Variants in QKI observed in about 807,000 individuals in gnomAD.
QKI encodes QKI, KH domain containing RNA binding, also known as KH domain-containing RNA-binding protein QKI.
Under a neutral mutation model 39.0 loss-of-function variants are expected in QKI, and 10 were observed. The observed-to-expected ratio is 0.26, with a 90% CI of 0.16 to 0.43. The LOEUF (loss-of-function observed/expected upper bound fraction) is 0.43. QKI is among the 20% of genes least tolerant of loss of function. QKI has a pLI of 1.00. For synonymous variants in QKI, 204 were observed against 155.4 expected, an observed-to-expected ratio of 1.31 and a Z score of -2.33; for missense variants, 218 against 428.0, an observed-to-expected ratio of 0.51 and a Z score of 4.33.
intron 7 of QKI, 44 bp from the exon 8 acceptor site, chr6:163,570,650 T>C: frequency 6.2e-7 from 1 of 1,606,012 alleles, no homozygotes; most frequent in Non-Finnish European, 8.5e-7. Flanking sequence ...CTATCTTTTC[T>C]TTTCTTTTTT....
Position 163,577,440 on chromosome 6 carries a change from A to G in QKI, c.*6730A>G, listed in dbSNP as rs921182445. The G allele has an allele frequency of 4.6e-5, 7 of 150,982 alleles. No individual in the cohort carries two copies. Among genetic ancestry groups the G allele is most frequent in the African/African-American group, 1.2e-4 (5 of 41,176 alleles). 9.4% of individuals were successfully genotyped at this position (150,982 alleles called of 1,614,324 possible). ...ATTGCCCATATTAGATTTTTTTTTT[A>G]ATTCTTCACAAAATCTGCTCTTCCT... On this transcript the variant is annotated 3_prime_UTR_variant, in exon 8 of 8. Transcript: ENST00000361752.
chr6:163,549,818 A>G (rs939866910), intron 4 of QKI, among the ~76,000 whole-genome samples: 39 of 152,356 alleles, frequency 2.6e-4, no homozygotes, highest in African/African-American at 9.1e-4. Flanking sequence ...TCACTTTGTT[A>G]TTCTCTACCT....
rs118148146 is a variant in QKI, at chr6:163,464,849, A to T, written c.285+9428A>T. Among the ~76,000 whole-genome samples the T allele has an allele frequency of 5.8e-3, 878 of 152,304 alleles. 4 individuals are homozygous for T. Among genetic ancestry groups the T allele is most frequent in the Non-Finnish European group, 9.3e-3 (633 of 68,022 alleles). On this transcript the variant is annotated intron_variant, in intron 2 of 7. Coordinates refer to ENST00000361752, the MANE Select transcript of QKI (RefSeq NM_006775.3). ...AGATTCATTTTATGAGGCCAGCATT[A>T]CCCTTAACCAAAGCCAGATAAGGAC... is the stretch of plus-strand genomic sequence containing the variant.
rs1198998981 is a variant in QKI at position 163,577,896 on chromosome 6, TTAA to T, written c.*7188_*7190del. On this transcript the variant is annotated 3_prime_UTR_variant, in exon 8 of 8. Transcript: ENST00000361752. ...TTGGATTTCCTTCCTAACGTAATTT[TTAA>T]TGATTACCCCTTTTATACAGTAATT... 1.6e-4 allele frequency: 24 copies of T among 152,332 alleles called. No individual in the cohort carries two copies. The highest frequency in any genetic ancestry group is 5.5e-4 in the African/African-American group (23 of 41,588). The allele number at this position is 152,332 out of a possible 1,614,324, so 9.4% of individuals were successfully genotyped here.
rs371736423 is a variant in QKI, at chr6:163,491,866, A to G, written c.402+12970A>G. On this transcript the variant is annotated intron_variant, in intron 3 of 7. Transcript: ENST00000361752. The stretch of plus-strand genomic sequence containing the variant: ...ACTTTAACCTGTAAAACTTCATCTC[A>G]TTACTCAGCCATAGATATAACTCCA... Among the ~76,000 whole-genome samples the G allele has an allele frequency of 5.9e-5, 9 of 152,320 alleles. No individual in the cohort carries two copies. The East Asian group carries it at 9.6e-4, about 16-fold the overall frequency.
intron 2 of QKI, among the ~76,000 whole-genome samples, chr6:163,460,579 T>C (rs1451234229): frequency 6.6e-6 from 1 of 152,202 alleles, no homozygotes; most frequent in East Asian, 1.9e-4. Flanking sequence ...TTGTTGTTTG[T>C]CAGCAGTCTT....
intron 3 of QKI, among the ~76,000 whole-genome samples, chr6:163,526,132 A>G (rs1780501144): frequency 6.6e-6 from 1 of 152,210 alleles, no homozygotes; most frequent in Non-Finnish European, 1.5e-5. Flanking sequence ...ATGTCAAAAG[A>G]AAAAATAGTA....
At chr6:163,475,773 T>C (rs1487358617) in intron 2 of QKI, among the ~76,000 whole-genome samples, 1 of 152,188 alleles carries the variant, frequency 6.6e-6, no homozygotes, top group African/African-American at 2.4e-5. Flanking sequence ...ACAATAAAGC[T>C]TCTAGAAGAT....
chr6:163,553,191 C>T (rs1233443124), intron 4 of QKI, among the ~76,000 whole-genome samples: 1 of 151,674 alleles, frequency 6.6e-6, no homozygotes, highest in Non-Finnish European at 1.5e-5. Context: ...GCAACCTGCA[C>T]CTCCTGGGTT....
chr6:163,543,622 A>G (rs1183921020), intron 4 of QKI, among the ~76,000 whole-genome samples: 2 of 152,084 alleles, frequency 1.3e-5, no homozygotes, highest in African/African-American at 2.4e-5. Flanking sequence ...GCGGGTTTGA[A>G]TAAACTCATA....
chr6:163,448,265 G>T (rs185434512), intron 1 of QKI, among the ~76,000 whole-genome samples: 1 of 151,590 alleles, frequency 6.6e-6, no homozygotes, highest in Admixed American at 6.6e-5. Flanking sequence ...TTGGACTTAG[G>T]ATTGTGAAGT....
rs144205107 is a variant in QKI at position 163,432,554 on chromosome 6, G to A, written c.142+17219G>A. 7.9e-3 allele frequency among the ~76,000 whole-genome samples: 1,201 copies of A among 151,868 alleles called. 29 individuals carry two copies. The highest frequency in any genetic ancestry group is 0.028 in the African/African-American group (1,140 of 41,418). On this transcript the variant is annotated intron_variant, in intron 1 of 7. Coordinates refer to ENST00000361752, the MANE Select transcript of QKI (RefSeq NM_006775.3). Reference sequence around the variant, plus strand: ...ACTGCAGGGGTGAGCCACCATGCCTGGATAATTAAAAAAAATTTTTTTTTT... The same window carrying A: ...ACTGCAGGGGTGAGCCACCATGCCTAGATAATTAAAAAAAATTTTTTTTTT...
Position 163,439,355 on chromosome 6 carries a change from CG to C in QKI, c.143-15917del, listed in dbSNP as rs545402591. On this transcript the variant is annotated intron_variant, in intron 1 of 7. Transcript: ENST00000361752. ...GTTTTTTTTTGTTTTTTTTTTTTTT[CG>C]GGGGGGTGGGGGACGGAGTCTCACT... is the stretch of plus-strand genomic sequence containing the variant. Among the ~76,000 whole-genome samples, 11 of 103,204 alleles carry C rather than the reference CG, an allele frequency of 1.1e-4. 1 individual carries two copies. Among genetic ancestry groups the C allele is most frequent in the Non-Finnish European group, 1.8e-4 (9 of 49,782 alleles). 67.7% of individuals were successfully genotyped at this position (103,204 alleles called of 152,430 possible). A position where few individuals can be genotyped will look rare whatever the true frequency, so the allele number is the denominator to read the frequency against.
chr6:163,523,866 C>G (rs1240929280), intron 3 of QKI, among the ~76,000 whole-genome samples: 1 of 152,042 alleles, frequency 6.6e-6, no homozygotes, highest in Non-Finnish European at 1.5e-5. Flanking sequence ...CTAGAGCTTA[C>G]CATTATGTAC....
At chr6:163,546,332 G>T (rs1781873107) in intron 4 of QKI, among the ~76,000 whole-genome samples, 1 of 151,804 alleles carries the variant, frequency 6.6e-6, no homozygotes, top group African/African-American at 2.4e-5. Context: ...CAAAGTATTT[G>T]TAATCATTCA....
chr6:163,424,460 G>T (rs1046980593), intron 1 of QKI, among the ~76,000 whole-genome samples: 6 of 152,034 alleles, frequency 3.9e-5, no homozygotes, highest in African/African-American at 7.2e-5. Flanking sequence ...TCATGACTCC[G>T]CAATTAACTG....
At chr6:163,527,561 A>G (rs182111723) in intron 3 of QKI, among the ~76,000 whole-genome samples, 1 of 152,298 alleles carries the variant, frequency 6.6e-6, no homozygotes, top group East Asian at 1.9e-4. Flanking sequence ...TGGGACAATC[A>G]GTATACTCTA....
Position 163,415,017 on chromosome 6 carries a change from G to A in QKI, c.-177G>A. The A allele has an allele frequency of 5.6e-6, 3 of 537,322 alleles. No individual in the cohort carries two copies. The highest frequency in any genetic ancestry group is 4.7e-6 in the Non-Finnish European group (2 of 423,686). The allele number at this position is 537,322 out of a possible 1,614,324, so 33.3% of individuals were successfully genotyped here. On this transcript the variant is annotated 5_prime_UTR_variant, in exon 1 of 8. Transcript: ENST00000361752. ...CGGGCGGAAAGTGCCTGCGGGGGGC[G>A]GGCGAGCGCGCGGTGCCGGCCGCCC...
In QKI at chr6:163,568,186, T is replaced by C. The variant is rs1378306863; in HGVS notation, c.1009+1391T>C. 3.0e-6 allele frequency: 3 copies of C among 984,116 alleles called. No individual in the cohort carries two copies. In the African/African-American group the frequency reaches 5.2e-5, roughly 17 times the overall value. The allele number at this position is 984,116 out of a possible 1,614,324, so 61.0% of individuals were successfully genotyped here. The stretch of plus-strand genomic sequence containing the variant: ...AGAAACTGGACAATTCCATGAATAA[T>C]TTGAGGTTTTATTCATATTGCTAAT... On this transcript the variant is annotated intron_variant, in intron 7 of 7. Transcript: ENST00000361752.
Sources: gnomAD v4.1 joint callset for allele counts (sites outside exome capture counted in the v4.1 genomes callset) on GRCh38, gnomAD v4.1.1 for gene constraint, MANE v1.5 for transcripts, NCBI Gene and HGNC (gene_info 2026-07-23, HGNC 2026-07-21) for gene names.